ELAVL2: variants seen among roughly 807,000 people sequenced by gnomAD.
ELAVL2 encodes the protein ELAV like RNA binding protein 2.
ELAVL2 carries 4 observed loss-of-function variants against 34.6 expected under a neutral mutation model. The observed-to-expected ratio is 0.12, with a 90% confidence interval of 0.06 to 0.26. ELAVL2 has a LOEUF of 0.26. Ranked by LOEUF, ELAVL2 falls within the 10% of genes least tolerant of loss-of-function variation. The pLI is 1.00. For missense variants in ELAVL2, 432 were observed against 442.8 expected, an observed-to-expected ratio of 0.98 and a Z score of 0.22; for synonymous variants, 193 against 154.8, an observed-to-expected ratio of 1.25 and a Z score of -1.83.
At chr9:23,753,745 A>C (rs1349440240) in intron 2 of ELAVL2, among the ~76,000 whole-genome samples, 1 of 152,116 alleles carries the variant, frequency 6.6e-6, no homozygotes, top group African/African-American at 2.4e-5. Context: ...CTATACCACC[A>C]ATCTCCTGAT....
intron 1 of ELAVL2, among the ~76,000 whole-genome samples, chr9:23,823,954 G>A (rs571757651): frequency 6.6e-6 from 1 of 152,310 alleles, no homozygotes; most frequent in African/African-American, 2.4e-5. Context: ...ATAAATAGGG[G>A]TGCGGAGAAC....
intron 1 of ELAVL2, among the ~76,000 whole-genome samples, chr9:23,824,532 C>G (rs2065163559): frequency 6.6e-6 from 1 of 152,102 alleles, no homozygotes; most frequent in Non-Finnish European, 1.5e-5. Context: ...CTCTGCCTCT[C>G]GAGCACCACA....
intron 1 of ELAVL2, among the ~76,000 whole-genome samples, chr9:23,800,040 A>G (rs1030501787): frequency 1.3e-5 from 2 of 152,204 alleles, no homozygotes; most frequent in African/African-American, 4.8e-5. Context: ...TAAAGAAACA[A>G]AAGCCTTAAA....
chr9:23,819,738 A>AT (rs2064260764), intron 1 of ELAVL2, among the ~76,000 whole-genome samples: 1 of 152,208 alleles, frequency 6.6e-6, no homozygotes, highest in African/African-American at 2.4e-5. Context: ...AAAAATAAAA[A>AT]TACTCTCTCA....
At chr9:23,786,800 AAAAG>A (rs1342593040) in intron 1 of ELAVL2, among the ~76,000 whole-genome samples, 122 of 146,620 alleles carry the variant, frequency 8.3e-4, no homozygotes, top group African/African-American at 2.7e-3. Context: ...AAAAAAAAAA[AAAAG>A]AGAGAGAGAG....
At chr9:23,798,019 A>C (rs1457295882) in intron 1 of ELAVL2, among the ~76,000 whole-genome samples, 2 of 152,242 alleles carry the variant, frequency 1.3e-5, no homozygotes, top group African/African-American at 4.8e-5. Context: ...TGGCTAGTTC[A>C]TGAAGTAAAC....
chr9:23,749,233 G>A (rs2051282994), intron 2 of ELAVL2, among the ~76,000 whole-genome samples: 1 of 151,910 alleles, frequency 6.6e-6, no homozygotes, highest in African/African-American at 2.4e-5. Context: ...AATTCTGGGT[G>A]GTCATCTAAC....
chr9:23,846,416 C>T, the ELAVL2 span, among the ~76,000 whole-genome samples: 2 of 151,694 alleles, frequency 1.3e-5, no homozygotes, highest in Non-Finnish European at 1.5e-5. Flanking sequence ...TATGACATTA[C>T]CAAATGTAAG....
chr9:23,781,581 T>G (rs1003693430), intron 1 of ELAVL2, among the ~76,000 whole-genome samples: 19 of 150,776 alleles, frequency 1.3e-4, no homozygotes, highest in African/African-American at 4.6e-4. Flanking sequence ...AGTACAGTGG[T>G]GTGATCACAG....
At chr9:23,832,665 A>C in the ELAVL2 span, among the ~76,000 whole-genome samples, 2 of 152,280 alleles carry the variant, frequency 1.3e-5, no homozygotes, top group African/African-American at 2.4e-5. Flanking sequence ...TTACATTTTA[A>C]GTCTTAGAAA....
chr9:23,805,981 A>C (rs1038865112), intron 1 of ELAVL2, among the ~76,000 whole-genome samples: 1 of 152,146 alleles, frequency 6.6e-6, no homozygotes, highest in Non-Finnish European at 1.5e-5. Context: ...GGGTGGTCCA[A>C]GTAAATTAAA....
intron 2 of ELAVL2, among the ~76,000 whole-genome samples, chr9:23,741,163 C>T (rs956387173): frequency 6.6e-6 from 1 of 152,030 alleles, no homozygotes; most frequent in Non-Finnish European, 1.5e-5. Context: ...TGTTTCCTGA[C>T]AAACAAATTA....
intron 1 of ELAVL2, among the ~76,000 whole-genome samples, chr9:23,802,445 G>A (rs1034419498): frequency 1.3e-5 from 2 of 152,084 alleles, no homozygotes; most frequent in African/African-American, 4.8e-5. Context: ...TTCAACTCCT[G>A]AAGACAATCT....
intron 1 of ELAVL2, among the ~76,000 whole-genome samples, chr9:23,789,552 A>G (rs2060097103): frequency 6.6e-6 from 1 of 152,228 alleles, no homozygotes; most frequent in Non-Finnish European, 1.5e-5. Flanking sequence ...CTGCTGAATG[A>G]TAAAGCTTGG....
intron 3 of ELAVL2, among the ~76,000 whole-genome samples, chr9:23,723,945 C>T (rs2044406234): frequency 6.6e-6 from 1 of 152,098 alleles, no homozygotes; most frequent in Non-Finnish European, 1.5e-5. Flanking sequence ...TGTGGCTTTC[C>T]CCCTACCTTA....
chr9:23,769,710 G>A (rs751045858), intron 1 of ELAVL2, among the ~76,000 whole-genome samples: 5 of 152,226 alleles, frequency 3.3e-5, no homozygotes, highest in Admixed American at 6.5e-5. Flanking sequence ...GGCTAACAAC[G>A]GCCCAAGAAC....
At chr9:23,775,879 C>T (rs1156532132) in intron 1 of ELAVL2, among the ~76,000 whole-genome samples, 1 of 152,194 alleles carries the variant, frequency 6.6e-6, no homozygotes, top group Non-Finnish European at 1.5e-5. Context: ...AGAGAGCAGA[C>T]AAACCTCGAG....
intron 1 of ELAVL2, among the ~76,000 whole-genome samples, chr9:23,824,862 G>A (rs1176335048): frequency 6.6e-6 from 1 of 152,186 alleles, no homozygotes; most frequent in South Asian, 2.1e-4. Context: ...TAAGGAGGGG[G>A]TGAGGGCTAC....
upstream of ELAVL2, among the ~76,000 whole-genome samples, chr9:23,828,676 C>T (rs1200724313): frequency 6.6e-6 from 1 of 151,854 alleles, no homozygotes; most frequent in Non-Finnish European, 1.5e-5. Flanking sequence ...ATTGTCATCC[C>T]TAACATGTTG....
Sources: allele counts gnomAD v4.1 joint callset (sites outside exome capture counted in the v4.1 genomes callset), GRCh38; gene constraint gnomAD v4.1.1; transcripts MANE v1.5; gene names NCBI Gene and HGNC (gene_info 2026-07-23, HGNC 2026-07-21).